Variants in CASK observed in about 807,000 individuals in gnomAD.
The protein encoded by CASK is peripheral plasma membrane protein CASK.
A neutral mutation model predicts 82.9 loss-of-function variants in CASK; 4 were observed. The ratio of observed to expected loss-of-function variants is 0.05; its 90% confidence interval spans 0.02 to 0.11. The LOEUF (loss-of-function observed/expected upper bound fraction) is 0.11, where lower values mean the gene tolerates loss of function less well. Among genes scored for constraint, CASK ranks in the 10% least tolerant of loss-of-function variants. The probability of loss-of-function intolerance (pLI) is 1.00; values close to 1 mark genes in which losing one functional copy is unlikely to be tolerated. For missense variants in CASK, 358 were observed against 720.9 expected (o/e 0.50, Z 5.76); for synonymous variants, 259 against 253.5 (o/e 1.02, Z -0.20).
At chrX:41,574,108 T>G (rs933133319) in intron 15 of CASK, among the ~76,000 whole-genome samples, 2 of 111,159 alleles carry the variant, frequency 1.8e-5, no homozygotes, top group African/African-American at 6.6e-5. Flanking sequence ...TGATCGATAC[T>G]CTGCTGAATA....
At chrX:41,700,579 CTT>C (rs71826128) in intron 5 of CASK, among the ~76,000 whole-genome samples, 142 of 65,183 alleles carry the variant, frequency 2.2e-3, no homozygotes, top group African/African-American at 3.6e-3. Context: ...ACGTATATGA[CTT>C]TTTTTTTTTT....
At chrX:41,656,486 G>C (rs1458874105) in intron 8 of CASK, among the ~76,000 whole-genome samples, 1 of 112,007 alleles carries the variant, frequency 8.9e-6, no homozygotes, top group Non-Finnish European at 1.9e-5. Context: ...ATTTCTTTAG[G>C]CCAAAGAACA....
chrX:41,903,781 C>T (rs1231447899), intron 1 of CASK, among the ~76,000 whole-genome samples: 1 of 111,943 alleles, frequency 8.9e-6, no homozygotes, highest in Admixed American at 9.5e-5. Context: ...TCTAAATCTG[C>T]ACTGTCTACC....
chrX:41,820,131 G>A (rs967621795), intron 2 of CASK, among the ~76,000 whole-genome samples: 1 of 109,199 alleles, frequency 9.2e-6, no homozygotes, highest in African/African-American at 3.3e-5. Context: ...TAGAATAAGT[G>A]AAATTAGCAA....
At chrX:41,642,339 T>C (rs2066673649) in intron 8 of CASK, among the ~76,000 whole-genome samples, 1 of 112,190 alleles carries the variant, frequency 8.9e-6, no homozygotes, top group Admixed American at 9.4e-5. Context: ...CCACAATGGT[T>C]GAACTAGTTT....
intron 2 of CASK, among the ~76,000 whole-genome samples, chrX:41,815,389 T>C (rs956878690): frequency 4.5e-5 from 5 of 111,432 alleles, no homozygotes; most frequent in African/African-American, 1.6e-4. Flanking sequence ...GACCTATAAA[T>C]GATAGCTATG....
chrX:41,685,405 A>C lies in CASK; in HGVS notation c.430-13875T>G, dbSNP rs1166476487. ...AATAAGAAAATATGTACAAATATTC[A>C]AAATTTCCACATAACAATATATTCT... On this transcript the variant is annotated intron_variant, in intron 5 of 26. Coordinates refer to ENST00000378163, the MANE Select transcript of CASK (RefSeq NM_001367721.1). Among the ~76,000 whole-genome samples, 5 of 112,665 alleles carry C rather than the reference A, an allele frequency of 4.4e-5. No homozygotes were observed. The East Asian group carries it at 1.4e-3, about 31-fold the overall frequency.
intron 8 of CASK, chrX:41,659,997 TAAAA>T (rs756132427): frequency 1.6e-4 from 16 of 99,323 alleles, no homozygotes; most frequent in South Asian, 5.4e-4. Flanking sequence ...AGACCTTGTC[TAAAA>T]AAAAAAAAAA....
intron 22 of CASK, among the ~76,000 whole-genome samples, chrX:41,536,045 T>C (rs777435364): frequency 1.6e-4 from 18 of 111,742 alleles, no homozygotes; most frequent in Non-Finnish European, 3.0e-4. Context: ...CCCTGGATTT[T>C]AGAGGGGTTA....
chrX:41,834,336 A>C (rs756632691), intron 2 of CASK, among the ~76,000 whole-genome samples: 6 of 112,053 alleles, frequency 5.4e-5, no homozygotes, highest in African/African-American at 1.9e-4. Context: ...GGATATAAGA[A>C]AGGAGAACTT....
intron 5 of CASK, 135 bp downstream of exon 5, chrX:41,739,244 ACAAAG>A (rs995710469): frequency 2.2e-6 from 1 of 460,227 alleles, no homozygotes; most frequent in Non-Finnish European, 3.8e-6. Flanking sequence ...CTTCCCAAAT[ACAAAG>A]CAGTTAAATA....
chrX:41,868,721 C>T, intron 1 of CASK, among the ~76,000 whole-genome samples: 1 of 111,654 alleles, frequency 9.0e-6, no homozygotes, highest in Middle Eastern at 4.6e-3. Context: ...TTTATTTATA[C>T]TGTGAAATGG....
chrX:41,585,786 C>T (rs2065649026), intron 14 of CASK: 1 of 108,357 alleles, frequency 9.2e-6, no homozygotes, highest in South Asian at 4.0e-4. Flanking sequence ...GAAACACTAT[C>T]ATAAAACAGC....
intron 1 of CASK, among the ~76,000 whole-genome samples, chrX:41,873,283 C>CAAAAAAAAAAAAA (rs1175165867): frequency 3.2e-5 from 1 of 31,300 alleles, no homozygotes; most frequent in African/African-American, 1.2e-4. Context: ...TTCTTCCTCA[C>CAAAAAAAAAAAAA]AAAAAAAAAA....
At chrX:41,641,787 C>T (rs2066659646) in intron 8 of CASK, among the ~76,000 whole-genome samples, 1 of 110,072 alleles carries the variant, frequency 9.1e-6, no homozygotes, top group Non-Finnish European at 1.9e-5. Context: ...GGTACATGTG[C>T]ACAACGTGCA....
chrX:41,712,426 A>G (rs5964039), intron 5 of CASK, among the ~76,000 whole-genome samples: 1,144 of 112,812 alleles, frequency 0.01, 12 homozygotes, highest in African/African-American at 0.034. Context: ...CTGACCCCCA[A>G]GGAAAAATTA....
At chrX:41,634,813 C>T (rs759759963) in intron 9 of CASK, among the ~76,000 whole-genome samples, 24 of 112,329 alleles carry the variant, frequency 2.1e-4, no homozygotes, top group Non-Finnish European at 3.8e-4. Context: ...GTAGGCTACA[C>T]AGGTTTAGGT....
intron 5 of CASK, among the ~76,000 whole-genome samples, chrX:41,738,401 G>A (rs892382100): frequency 1.1e-4 from 12 of 112,413 alleles, no homozygotes; most frequent in African/African-American, 3.9e-4. Context: ...TTACACTAAT[G>A]TGTATTTTGT....
chrX:41,569,581 A>C, intron 16 of CASK, 87 bp downstream of exon 16: 1 of 698,702 alleles, frequency 1.4e-6, no homozygotes, highest in Non-Finnish European at 2.3e-6. Flanking sequence ...CCATCTCAAA[A>C]ACAAAACAAA....
Sources: gnomAD v4.1 joint callset for allele counts (sites outside exome capture counted in the v4.1 genomes callset) on GRCh38, gnomAD v4.1.1 for gene constraint, MANE v1.5 for transcripts, NCBI Gene and HGNC (gene_info 2026-07-23, HGNC 2026-07-21) for gene names.